The following SLC25A48 variants were observed in gnomAD, a reference collection of about 807,000 sequenced individuals.
The protein encoded by SLC25A48 is CTC-321K16.1.
Under a neutral mutation model 32.2 loss-of-function variants are expected in SLC25A48, and 29 were observed. The ratio of observed to expected loss-of-function variants is 0.90; its 90% CI spans 0.67 to 1.23. SLC25A48 has a LOEUF of 1.23. Ranked by LOEUF, SLC25A48 falls within the 50% of genes most tolerant of loss-of-function variation. The pLI is 0.00. For missense variants in SLC25A48, 399 were observed against 422.7 expected (o/e 0.94, Z 0.49); for synonymous variants, 164 against 172.3 (o/e 0.95, Z 0.38).
rs553660707 is a variant in SLC25A48 at position 135,836,317 on chromosome 5, G to A, written c.46+1424G>A. The stretch of plus-strand genomic sequence containing the variant: ...TTTGGTGATGTTATTGAAAGTAATG[G>A]CAAAAATCGCAATTACTTTTGCACC... On this transcript the variant is annotated intron_variant, in intron 1 of 7. Transcript: ENST00000681962. Among the ~76,000 whole-genome samples the A allele has an allele frequency of 1.1e-4, 17 of 149,886 alleles. No individual in the cohort carries two copies. The South Asian group carries it at 3.0e-3, about 26-fold the overall frequency.
intron 1 of SLC25A48, among the ~76,000 whole-genome samples, chr5:135,627,217 T>C (rs1752459076): frequency 6.6e-6 from 1 of 152,112 alleles, no homozygotes; most frequent in Non-Finnish European, 1.5e-5. Flanking sequence ...TTGCCTCTGA[T>C]TTCTGTCTAT....
chr5:135,873,039 G>A (rs944988605), intron 5 of SLC25A48, among the ~76,000 whole-genome samples: 1 of 152,266 alleles, frequency 6.6e-6, no homozygotes, highest in Non-Finnish European at 1.5e-5. Context: ...ATCCCGTTTT[G>A]TGATGCCCTC....
chr5:135,850,031 G>A (rs1023883314), intron 2 of SLC25A48, among the ~76,000 whole-genome samples: 13 of 152,316 alleles, frequency 8.5e-5, no homozygotes, highest in African/African-American at 2.6e-4. Flanking sequence ...GTGAGGATGA[G>A]GGGTGAGGCC....
chr5:135,693,738 G>T (rs763918470), intron 3 of SLC25A48, among the ~76,000 whole-genome samples: 3 of 152,194 alleles, frequency 2.0e-5, no homozygotes, highest in Non-Finnish European at 4.4e-5. Context: ...CAACCTGTCT[G>T]GGCATCTGCC....
At chr5:135,690,963 A>T (rs1005232849) in intron 3 of SLC25A48, among the ~76,000 whole-genome samples, 2 of 151,992 alleles carry the variant, frequency 1.3e-5, no homozygotes, top group African/African-American at 4.8e-5. Context: ...TTTTAATAAA[A>T]ATCAGCTTTG....
At chr5:135,643,013 A>C (rs1185935102) in intron 3 of SLC25A48, among the ~76,000 whole-genome samples, 2 of 152,218 alleles carry the variant, frequency 1.3e-5, no homozygotes, top group African/African-American at 4.8e-5. Flanking sequence ...GCAGCAACGC[A>C]AGTCCTAAAC....
At chr5:135,774,957 C>A (rs1323263018) in intron 3 of SLC25A48, among the ~76,000 whole-genome samples, 3 of 151,664 alleles carry the variant, frequency 2.0e-5, no homozygotes, top group African/African-American at 7.3e-5. Flanking sequence ...CTCCCAGTAT[C>A]ATAGAGGTTG....
chr5:135,636,928 A>G (rs1752719129), intron 3 of SLC25A48, among the ~76,000 whole-genome samples: 4 of 152,208 alleles, frequency 2.6e-5, no homozygotes, highest in Admixed American at 6.5e-5. Context: ...CCCAACTTCT[A>G]TGCTGCCTTG....
chr5:135,770,391 GGGGA>G lies in SLC25A48; in HGVS notation c.-520-42129_-520-42126del, dbSNP rs1383480774. 2.6e-5 allele frequency among the ~76,000 whole-genome samples: 4 copies of G among 151,576 alleles called. No homozygotes were observed. In the South Asian group the frequency reaches 6.2e-4, roughly 24 times the overall value. On this transcript the variant is annotated intron_variant, in intron 3 of 10. Coordinates refer to the SLC25A48 transcript ENST00000646290. ...GTGATATTGTTCATAATATTCTGGAGGGGAGGATGATATTACTCCCAGTATCGCA... is the reference window on the plus strand; with the variant it reads ...GTGATATTGTTCATAATATTCTGGAGGGATGATATTACTCCCAGTATCGCA...
intron 3 of SLC25A48, among the ~76,000 whole-genome samples, chr5:135,723,318 G>GA (rs1439690566): frequency 6.6e-6 from 1 of 151,526 alleles, no homozygotes; most frequent in Non-Finnish European, 1.5e-5. Flanking sequence ...AATGGGAGCT[G>GA]AAACTATTCT....
intron 1 of SLC25A48, among the ~76,000 whole-genome samples, chr5:135,598,473 A>G (rs1463636491): frequency 6.6e-6 from 1 of 152,218 alleles, no homozygotes; most frequent in Non-Finnish European, 1.5e-5. Flanking sequence ...CTGAAGAATC[A>G]TGAGGTTCAT....
intron 3 of SLC25A48, among the ~76,000 whole-genome samples, chr5:135,636,488 T>C (rs1016421491): frequency 1.3e-5 from 2 of 152,230 alleles, no homozygotes; most frequent in Admixed American, 1.3e-4. Flanking sequence ...TGTGGTTTGC[T>C]ATTTTTGGTG....
intron 1 of SLC25A48, among the ~76,000 whole-genome samples, chr5:135,603,038 A>G (rs1350315335): frequency 2.6e-5 from 4 of 152,158 alleles, no homozygotes; most frequent in Admixed American, 6.5e-5. Flanking sequence ...ACCTGAAGAA[A>G]CCTGGAGGAA....
intron 7 of SLC25A48, chr5:135,883,464 T>C: frequency 1.0e-6 from 1 of 985,510 alleles, no homozygotes; most frequent in Non-Finnish European, 1.2e-6. Flanking sequence ...ACATTGTTTC[T>C]CTGTCAGATG....
intron 3 of SLC25A48, among the ~76,000 whole-genome samples, chr5:135,754,457 CTGA>C (rs1260333007): frequency 2.6e-5 from 4 of 151,742 alleles, no homozygotes; most frequent in Admixed American, 2.0e-4. Flanking sequence ...AAATATCACT[CTGA>C]TGTTTATTAT....
At chr5:135,852,483 G>T in intron 3 of SLC25A48, 80 bp from the exon 4 acceptor site, 1 of 1,506,638 alleles carries the variant, frequency 6.6e-7, no homozygotes, top group Admixed American at 1.9e-5. Flanking sequence ...GATGTGTCCG[G>T]TGGTGTACCC....
intron 3 of SLC25A48, among the ~76,000 whole-genome samples, chr5:135,789,646 G>A (rs1465221215): frequency 1.3e-5 from 2 of 151,464 alleles, no homozygotes; most frequent in Non-Finnish European, 2.9e-5. Context: ...ACAGCCTTTT[G>A]CGATATGGTT....
intron 3 of SLC25A48, among the ~76,000 whole-genome samples, chr5:135,700,371 C>CAAAAAAAAAAAAAA (rs34125451): frequency 1.5e-5 from 1 of 67,950 alleles, no homozygotes; most frequent in African/African-American, 6.3e-5. Context: ...GACTCTGTCT[C>CAAAAAAAAAAAAAA]AAAAAAAAAA....
intron 4 of SLC25A48, among the ~76,000 whole-genome samples, chr5:135,866,701 C>G (rs934487524): frequency 2.6e-5 from 4 of 152,254 alleles, no homozygotes; most frequent in African/African-American, 7.2e-5. Context: ...CAGAGAGCTG[C>G]AGAGCCAGAT....
Sources: allele counts gnomAD v4.1 joint callset (sites outside exome capture counted in the v4.1 genomes callset), GRCh38; gene constraint gnomAD v4.1.1; transcripts MANE v1.5; gene names NCBI Gene and HGNC (gene_info 2026-07-23, HGNC 2026-07-21).